Variants in KIAA1217 observed in about 807,000 individuals in gnomAD.
KIAA1217 encodes sickle tail protein homolog.
In KIAA1217, 88 loss-of-function variants were observed where a neutral mutation model predicts 163.9. That is an observed-to-expected ratio of 0.54 (90% CI 0.45 to 0.64). KIAA1217 has a LOEUF of 0.64. Ranked by LOEUF, KIAA1217 falls within the 30% of genes least tolerant of loss-of-function variation. The pLI, the probability that KIAA1217 is intolerant of heterozygous loss-of-function variation, is 0.00. For missense variants in KIAA1217, 2,372 were observed against 2,475.0 expected, an observed-to-expected ratio of 0.96 and a Z score of 0.88; for synonymous variants, 903 against 923.1, an observed-to-expected ratio of 0.98 and a Z score of 0.39.
At chr10:24,480,230 T>C (rs1052463108) in intron 6 of KIAA1217, among the ~76,000 whole-genome samples, 2 of 152,234 alleles carry the variant, frequency 1.3e-5, no homozygotes, top group African/African-American at 4.8e-5. Context: ...CTTTTTCTAC[T>C]TTTAATAAAA....
intron 10 of KIAA1217, among the ~76,000 whole-genome samples, chr10:24,519,190 C>G (rs1405559902): frequency 6.6e-6 from 1 of 152,118 alleles, no homozygotes; most frequent in South Asian, 2.1e-4. Flanking sequence ...TTACTGCCCC[C>G]TAGTGGTCCG....
chr10:24,531,405 A>G (rs758134125), intron 14 of KIAA1217, among the ~76,000 whole-genome samples: 2 of 152,114 alleles, frequency 1.3e-5, no homozygotes, highest in Admixed American at 1.3e-4. Flanking sequence ...TTGGAGGCCA[A>G]GCCAGGGGCT....
chr10:24,501,065 A>C (rs2067510946), intron 8 of KIAA1217, among the ~76,000 whole-genome samples: 1 of 143,282 alleles, frequency 7.0e-6, no homozygotes, highest in Non-Finnish European at 1.5e-5. Context: ...CCAGGGGTTA[A>C]GAAAAGAAAA....
rs370106153 is a variant in KIAA1217, at chr10:23,762,375, C to T, written c.-321+67141C>T. On this transcript the variant is annotated intron_variant, in intron 1 of 18. Coordinates refer to the KIAA1217 transcript ENST00000376462. ...AACATCAATGTGAAATCCTCATTAACGGGCAAACCAAATCCAGTAGCACAT... is the reference window on the plus strand; with the variant it reads ...AACATCAATGTGAAATCCTCATTAATGGGCAAACCAAATCCAGTAGCACAT... Among the ~76,000 whole-genome samples the T allele has an allele frequency of 4.6e-5, 7 of 151,732 alleles. No homozygotes were observed. The East Asian group carries it at 5.8e-4, about 13-fold the overall frequency.
intron 2 of KIAA1217, among the ~76,000 whole-genome samples, chr10:24,238,285 A>G (rs1207621637): frequency 3.3e-5 from 5 of 152,208 alleles, no homozygotes; most frequent in Non-Finnish European, 2.9e-5. Flanking sequence ...GCGACCTGAT[A>G]ACATTATGAT....
chr10:23,727,665 C>T (rs1356900175), intron 1 of KIAA1217, among the ~76,000 whole-genome samples: 1 of 152,102 alleles, frequency 6.6e-6, no homozygotes. Flanking sequence ...TAAAATTACA[C>T]TTTAAGTTCT....
At chr10:24,308,783 C>T (rs1416478772) in intron 2 of KIAA1217, among the ~76,000 whole-genome samples, 1 of 152,130 alleles carries the variant, frequency 6.6e-6, no homozygotes, top group Non-Finnish European at 1.5e-5. Flanking sequence ...GTCCCTTCTA[C>T]TTGATGCAAT....
In KIAA1217 at chr10:23,759,596, GT is replaced by G. The variant is rs976469264; in HGVS notation, c.-321+64364del. Reference sequence around the variant, plus strand: ...GGTACATTAGTATTTAATTTTGAGTGTTACAGTTTCTCTGAATGTCTGATTT... The same window carrying G: ...GGTACATTAGTATTTAATTTTGAGTGTACAGTTTCTCTGAATGTCTGATTT... On this transcript the variant is annotated intron_variant, in intron 1 of 18. Transcript: ENST00000376462. Among the ~76,000 whole-genome samples, 5 of 152,112 alleles carry G rather than the reference GT, an allele frequency of 3.3e-5. No homozygotes were observed. In the East Asian group the frequency reaches 5.8e-4, roughly 18 times the overall value.
chr10:24,132,911 G>T (rs1384494248), intron 2 of KIAA1217, among the ~76,000 whole-genome samples: 1 of 152,118 alleles, frequency 6.6e-6, no homozygotes, highest in Non-Finnish European at 1.5e-5. Flanking sequence ...GGGTAGATGT[G>T]GATTGATGAC....
intron 1 of KIAA1217, among the ~76,000 whole-genome samples, chr10:23,871,507 G>A (rs2131163128): frequency 6.6e-6 from 1 of 151,990 alleles, no homozygotes; most frequent in East Asian, 1.9e-4. Flanking sequence ...TGATGGAACT[G>A]GGATCTTGCT....
At chr10:24,405,358 A>T (rs776481437) in intron 3 of KIAA1217, among the ~76,000 whole-genome samples, 39 of 152,190 alleles carry the variant, frequency 2.6e-4, no homozygotes, top group Non-Finnish European at 5.3e-4. Flanking sequence ...AGAAGGAAAA[A>T]CTGAAATGTG....
Position 24,546,153 on chromosome 10 carries a change from A to AC in KIAA1217, c.5666dup (p.Pro1890SerfsTer61). 1 of 1,613,588 alleles carries AC rather than the reference A, an allele frequency of 6.2e-7. No individual in the cohort carries two copies. Among genetic ancestry groups the AC allele is most frequent in the Non-Finnish European group, 8.5e-7 (1 of 1,179,938 alleles). ...CACCGCAGAGTCAAAATGGCCGAGC[A>AC]CCCCCTCCTTTGTCATTTTCCTCCT... On this transcript the variant is annotated frameshift_variant, in exon 21 of 21. Transcript: ENST00000376454. LOFTEE classifies it high-confidence loss of function.
intron 2 of KIAA1217, among the ~76,000 whole-genome samples, chr10:24,263,750 C>G (rs2075942257): frequency 1.3e-5 from 2 of 152,112 alleles, no homozygotes. Flanking sequence ...CGAGATGCCT[C>G]TAACATTTTT....
chr10:24,490,211 T>C (rs1259104494), intron 6 of KIAA1217, among the ~76,000 whole-genome samples: 1 of 152,258 alleles, frequency 6.6e-6, no homozygotes. Context: ...TGTGGAATGA[T>C]ATAAAATGGT....
intron 1 of KIAA1217, among the ~76,000 whole-genome samples, chr10:23,919,459 A>G (rs551751680): frequency 5.3e-5 from 8 of 151,900 alleles, no homozygotes; most frequent in Admixed American, 4.6e-4. Context: ...TACAAAAATT[A>G]TCTGGGTGCA....
At chr10:24,349,116 G>A (rs958296541) in intron 2 of KIAA1217, among the ~76,000 whole-genome samples, 27 of 112,068 alleles carry the variant, frequency 2.4e-4, no homozygotes, top group Non-Finnish European at 3.5e-4. Flanking sequence ...CAGGGCAACA[G>A]AATAAGACCC....
intron 2 of KIAA1217, among the ~76,000 whole-genome samples, chr10:24,074,746 C>G (rs1177122112): frequency 1.4e-5 from 2 of 138,136 alleles, no homozygotes; most frequent in African/African-American, 5.3e-5. Context: ...CTTTGTCACC[C>G]AGATTTGAGT....
intron 1 of KIAA1217, among the ~76,000 whole-genome samples, chr10:23,845,005 G>T (rs1045615187): frequency 1.3e-5 from 2 of 152,090 alleles, no homozygotes; most frequent in African/African-American, 2.4e-5. Flanking sequence ...TTCTGTTCTT[G>T]TGATAGTTTG....
At chr10:24,266,069 C>T (rs2076203936) in intron 2 of KIAA1217, among the ~76,000 whole-genome samples, 1 of 151,268 alleles carries the variant, frequency 6.6e-6, no homozygotes, top group Non-Finnish European at 1.5e-5. Flanking sequence ...TGTGTATCTG[C>T]AAAGGCTGAT....
Sources: allele counts gnomAD v4.1 joint callset (sites outside exome capture counted in the v4.1 genomes callset), GRCh38; gene constraint gnomAD v4.1.1; transcripts MANE v1.5; gene names NCBI Gene and HGNC (gene_info 2026-07-23, HGNC 2026-07-21).